Variants in SHISA9 observed in about 807,000 individuals in gnomAD.
The protein encoded by SHISA9 is shisa family member 9, also known as protein shisa-9.
SHISA9 carries 13 observed loss-of-function variants against 38.0 expected under a neutral mutation model. The ratio of observed to expected loss-of-function variants is 0.34; its 90% CI spans 0.22 to 0.54. The LOEUF is 0.54. Among genes scored for constraint, SHISA9 ranks in the 20% least tolerant of loss-of-function variants. The pLI is 0.91. For synonymous variants in SHISA9, 275 were observed against 242.0 expected, an observed-to-expected ratio of 1.14 and a Z score of -1.27; for missense variants, 538 against 575.8, an observed-to-expected ratio of 0.93 and a Z score of 0.67.
At chr16:13,280,651 G>A in the SHISA9 span, among the ~76,000 whole-genome samples, 2 of 151,812 alleles carry the variant, frequency 1.3e-5, no homozygotes, top group African/African-American at 4.8e-5. Flanking sequence ...TGTAACGAGA[G>A]TATATACCTA....
At chr16:13,416,501 C>A in the SHISA9 span, among the ~76,000 whole-genome samples, 1 of 152,092 alleles carries the variant, frequency 6.6e-6, no homozygotes, top group Non-Finnish European at 1.5e-5. Flanking sequence ...GTGAGACACC[C>A]AAGGGTACTT....
chr16:13,561,243 C>G, the SHISA9 span, among the ~76,000 whole-genome samples: 1 of 152,106 alleles, frequency 6.6e-6, no homozygotes, highest in South Asian at 2.1e-4. Flanking sequence ...AGTTATTAGT[C>G]CCAGAATATT....
chr16:13,024,313 T>C lies in SHISA9; in HGVS notation c.691+107498T>C, dbSNP rs147942715. Reference sequence around the variant, plus strand: ...CTCATTTGCAACAGAGAAGGTGTCATTGCTCTTCCTGGGCTTCCAACAGCC... The same window carrying C: ...CTCATTTGCAACAGAGAAGGTGTCACTGCTCTTCCTGGGCTTCCAACAGCC... On this transcript the variant is annotated intron_variant, in intron 2 of 4. Coordinates refer to ENST00000558583, the MANE Select transcript of SHISA9 (RefSeq NM_001145204.3). Among the ~76,000 whole-genome samples the C allele has an allele frequency of 6.6e-4, 100 of 152,338 alleles. No individual in the cohort carries two copies. In the East Asian group the frequency reaches 7.3e-3, roughly 11 times the overall value.
In SHISA9 at chr16:13,228,441, A is replaced by G. The variant is rs192841364; in HGVS notation, c.896-6589A>G. ...GACATCATGTATTGAAGCTGCTGGG[A>G]TGCTTAACTCATAATTTATTTTGTC... is the stretch of plus-strand genomic sequence containing the variant. On this transcript the variant is annotated intron_variant, in intron 4 of 4. Transcript: ENST00000558583. Among the ~76,000 whole-genome samples the G allele has an allele frequency of 4.3e-4, 66 of 152,302 alleles. 1 individual carries two copies. The highest frequency in any genetic ancestry group is 3.5e-3 in the East Asian group (18 of 5,178).
the SHISA9 span, among the ~76,000 whole-genome samples, chr16:13,296,750 G>A: frequency 6.6e-6 from 1 of 151,742 alleles, no homozygotes; most frequent in African/African-American, 2.4e-5. Flanking sequence ...AATTAGCTGG[G>A]TGTGGTTGTG....
chr16:13,225,574 T>A (rs561247119), intron 4 of SHISA9, among the ~76,000 whole-genome samples: 12 of 152,324 alleles, frequency 7.9e-5, no homozygotes, highest in African/African-American at 2.9e-4. Flanking sequence ...GTTGGGGCAT[T>A]GCTTACCAGG....
At chr16:13,341,321 T>G in the SHISA9 span, among the ~76,000 whole-genome samples, 1 of 152,300 alleles carries the variant, frequency 6.6e-6, no homozygotes, top group South Asian at 2.1e-4. Context: ...TTTCTGCAGA[T>G]TCAATAAAAG....
chr16:12,971,831 AG>A (rs1209808773), intron 2 of SHISA9, among the ~76,000 whole-genome samples: 1 of 152,156 alleles, frequency 6.6e-6, no homozygotes, highest in Non-Finnish European at 1.5e-5. Context: ...TTTCCAGATC[AG>A]TGTTTAGCTC....
chr16:13,121,378 G>C (rs2050209263), intron 2 of SHISA9, among the ~76,000 whole-genome samples: 1 of 151,994 alleles, frequency 6.6e-6, no homozygotes, highest in Admixed American at 6.6e-5. Context: ...TGTGGTCCCA[G>C]CTACTTGGGA....
chr16:13,245,495 A>G, the SHISA9 span, among the ~76,000 whole-genome samples: 2 of 152,232 alleles, frequency 1.3e-5, no homozygotes, highest in African/African-American at 4.8e-5. Context: ...AGATAAAAAG[A>G]CAGTAGCTTA....
At chr16:13,186,287 C>CTTTTTTTTTTTTTTTTTTTTTTTTT (rs1567239378) in intron 2 of SHISA9, among the ~76,000 whole-genome samples, 1 of 123,814 alleles carries the variant, frequency 8.1e-6, no homozygotes. Context: ...ACCATCTTAA[C>CTTTTTTTTTTTTTTTTTTTTTTTTT]CTTTTTTTTT....
At chr16:13,077,163 G>A (rs969893257) in intron 2 of SHISA9, among the ~76,000 whole-genome samples, 17 of 152,200 alleles carry the variant, frequency 1.1e-4, no homozygotes, top group Middle Eastern at 6.8e-3. Context: ...ACTGAACAGC[G>A]TCTGATCTCA....
At chr16:13,089,638 AGTG>A (rs560915315) in intron 2 of SHISA9, among the ~76,000 whole-genome samples, 209 of 152,264 alleles carry the variant, frequency 1.4e-3, no homozygotes, top group African/African-American at 4.7e-3. Context: ...CTGTGGGATC[AGTG>A]GTGATATCCC....
chr16:13,420,275 G>GAAAAAAAAAA, the SHISA9 span, among the ~76,000 whole-genome samples: 1 of 67,716 alleles, frequency 1.5e-5, no homozygotes, highest in Admixed American at 1.6e-4. Context: ...AAAAAAAAAG[G>GAAAAAAAAAA]TTTTTTGCTC....
At chr16:13,229,038 G>T (rs904462031) in intron 4 of SHISA9, among the ~76,000 whole-genome samples, 1 of 152,134 alleles carries the variant, frequency 6.6e-6, no homozygotes, top group Admixed American at 6.5e-5. Context: ...CACATACCTG[G>T]AATCCTAGCT....
At chr16:13,157,922 A>C (rs887276501) in intron 2 of SHISA9, among the ~76,000 whole-genome samples, 7 of 152,168 alleles carry the variant, frequency 4.6e-5, no homozygotes, top group Admixed American at 1.3e-4. Flanking sequence ...TTTGTTTTCA[A>C]CACTCTCCTG....
At chr16:13,100,555 A>T (rs1430752793) in intron 2 of SHISA9, among the ~76,000 whole-genome samples, 1 of 152,182 alleles carries the variant, frequency 6.6e-6, no homozygotes, top group East Asian at 1.9e-4. Flanking sequence ...GCTCATTCAT[A>T]TTCTGGGGCT....
intron 2 of SHISA9, among the ~76,000 whole-genome samples, chr16:13,019,387 G>T (rs938400133): frequency 1.3e-5 from 2 of 152,070 alleles, no homozygotes; most frequent in Admixed American, 1.3e-4. Context: ...AAGCCTTCCC[G>T]GCTTGCTGAA....
chr16:12,994,981 C>CT lies in SHISA9; in HGVS notation c.691+78172dup, dbSNP rs2072439940. 2.6e-5 allele frequency among the ~76,000 whole-genome samples: 4 copies of CT among 151,864 alleles called. No homozygotes were observed. The South Asian group carries it at 6.2e-4, about 24-fold the overall frequency. ...AAGAGAGTTCTGGGCTAAAGATATG[C>CT]TTTTTTATCGCATGTAAACAATATT... On this transcript the variant is annotated intron_variant, in intron 2 of 4. Coordinates refer to ENST00000558583, the MANE Select transcript of SHISA9 (RefSeq NM_001145204.3).
Sources: gnomAD v4.1 joint callset for allele counts (sites outside exome capture counted in the v4.1 genomes callset) on GRCh38, gnomAD v4.1.1 for gene constraint, MANE v1.5 for transcripts, NCBI Gene and HGNC (gene_info 2026-07-23, HGNC 2026-07-21) for gene names.